Variants in NUP93 observed in about 807,000 individuals in gnomAD.
The protein encoded by NUP93 is nucleoporin 93.
A neutral mutation model predicts 107.8 loss-of-function variants in NUP93; 55 were observed. That is an observed-to-expected ratio of 0.51 (90% confidence interval 0.41 to 0.64). The LOEUF (loss-of-function observed/expected upper bound fraction) is 0.64. Ranked by LOEUF, NUP93 falls within the 30% of genes least tolerant of loss-of-function variation. The pLI, the probability that NUP93 is intolerant of heterozygous loss-of-function variation, is 0.00. For missense variants in NUP93, 937 were observed against 1,044.7 expected (o/e 0.90, Z 1.42); for synonymous variants, 390 against 397.5 (o/e 0.98, Z 0.22).
chr16:56,807,689 T>C (rs1396948639), intron 5 of NUP93, among the ~76,000 whole-genome samples: 1 of 152,194 alleles, frequency 6.6e-6, no homozygotes, highest in Non-Finnish European at 1.5e-5. Flanking sequence ...AGTGCTAAGT[T>C]GAAATTTTTT....
intron 5 of NUP93, among the ~76,000 whole-genome samples, chr16:56,808,866 G>A (rs1326266718): frequency 6.7e-6 from 1 of 148,312 alleles, no homozygotes; most frequent in Non-Finnish European, 1.5e-5. Context: ...ATGCAGTGTG[G>A]TTGTATCATT....
rs1962620783 is a variant in NUP93, at chr16:56,786,053, T to C, written c.298-12423T>C. On this transcript the variant is annotated intron_variant, in intron 3 of 21. Transcript: ENST00000308159. ...CATTCCTACGAAACTATGTTATTTG[T>C]CTCTGGTTTTCATTCTAGCTCTTTG... is the stretch of plus-strand genomic sequence containing the variant. Among the ~76,000 whole-genome samples the C allele has an allele frequency of 2.0e-5, 3 of 152,190 alleles. No homozygotes were observed. The South Asian group carries it at 6.2e-4, about 32-fold the overall frequency.
intron 1 of NUP93, among the ~76,000 whole-genome samples, chr16:56,742,588 G>A (rs749018242): frequency 6.6e-5 from 10 of 152,196 alleles, no homozygotes; most frequent in Non-Finnish European, 1.2e-4. Flanking sequence ...TACAAAGCCC[G>A]AACTATTCAC....
chr16:56,837,195 T>C (rs1183800601), intron 17 of NUP93, among the ~76,000 whole-genome samples: 2 of 152,182 alleles, frequency 1.3e-5, no homozygotes, highest in African/African-American at 4.8e-5. Flanking sequence ...TAAGAACATA[T>C]GATAACTGCT....
Position 56,828,419 on chromosome 16 carries a change from C to CAGG in NUP93, c.795-555_795-553dup, listed in dbSNP as rs1206702812. 2.0e-5 allele frequency among the ~76,000 whole-genome samples: 3 copies of CAGG among 151,948 alleles called. No homozygotes were observed. In the East Asian group the frequency reaches 5.8e-4, roughly 29 times the overall value. ...GTATCATAATGATACTGAGGTTAGG[C>CAGG]AGGAGAAGGTCCTAGTTCTTCAGAG... On this transcript the variant is annotated intron_variant, in intron 8 of 21. Coordinates refer to ENST00000308159, the MANE Select transcript of NUP93 (RefSeq NM_014669.5).
At chr16:56,801,839 G>A (rs1963027148) in intron 4 of NUP93, among the ~76,000 whole-genome samples, 1 of 152,150 alleles carries the variant, frequency 6.6e-6, no homozygotes, top group Non-Finnish European at 1.5e-5. Flanking sequence ...AAAGTGCTAA[G>A]CAGGAGTTCT....
rs567900894 is a variant in NUP93 at position 56,807,733 on chromosome 16, G to A, written c.489+2101G>A. On this transcript the variant is annotated intron_variant, in intron 5 of 21. Transcript: ENST00000308159. ...TTTAAAATTTAATTTTAAAATATAG[G>A]CAGTGTGGCCCGGGCGCGGTGGTTC... Among the ~76,000 whole-genome samples, 130 of 151,976 alleles carry A rather than the reference G, an allele frequency of 8.6e-4. 1 individual carries two copies. The highest frequency in any genetic ancestry group is 2.1e-3 in the South Asian group (10 of 4,806).
intron 5 of NUP93, among the ~76,000 whole-genome samples, chr16:56,815,738 A>G (rs1022730839): frequency 4.6e-5 from 7 of 152,078 alleles, no homozygotes; most frequent in African/African-American, 9.7e-5. Context: ...CTTCATCCCA[A>G]TCCTATGTGG....
intron 5 of NUP93, among the ~76,000 whole-genome samples, chr16:56,808,416 T>C (rs184088348): frequency 1.2e-4 from 3 of 25,520 alleles, no homozygotes; most frequent in Non-Finnish European, 1.7e-4. Context: ...TATATAGTTA[T>C]GTAACTATAT....
At chr16:56,753,811 AAC>A (rs1160054500) in intron 2 of NUP93, among the ~76,000 whole-genome samples, 3 of 152,208 alleles carry the variant, frequency 2.0e-5, no homozygotes, top group Non-Finnish European at 4.4e-5. Context: ...CATTTAAACA[AAC>A]ACAACTTTAA....
intron 5 of NUP93, among the ~76,000 whole-genome samples, chr16:56,817,223 T>C (rs1229677920): frequency 1.3e-5 from 2 of 152,170 alleles, no homozygotes; most frequent in Non-Finnish European, 2.9e-5. Context: ...GGTGCTTTGC[T>C]TCAGAAGCCA....
intron 3 of NUP93, among the ~76,000 whole-genome samples, chr16:56,764,716 G>C (rs1183806327): frequency 6.6e-6 from 1 of 152,086 alleles, no homozygotes. Flanking sequence ...TTGGAAAGAG[G>C]GTCAGATTTG....
At chr16:56,804,738 G>T (rs1028979334) in intron 4 of NUP93, among the ~76,000 whole-genome samples, 1 of 151,856 alleles carries the variant, frequency 6.6e-6, no homozygotes, top group African/African-American at 2.4e-5. Context: ...GTGAAACCCC[G>T]TCTCTAGTAA....
chr16:56,779,614 C>T (rs1285026904), intron 3 of NUP93, among the ~76,000 whole-genome samples: 1 of 152,166 alleles, frequency 6.6e-6, no homozygotes, highest in Non-Finnish European at 1.5e-5. Flanking sequence ...ATAGTTAACA[C>T]TTCTGCTCAG....
intron 5 of NUP93, among the ~76,000 whole-genome samples, chr16:56,809,144 A>G (rs997078518): frequency 6.6e-6 from 1 of 152,148 alleles, no homozygotes; most frequent in Admixed American, 6.5e-5. Context: ...GCAGCAAAAA[A>G]GATTGTCTCC....
At chr16:56,805,467 T>C in intron 4 of NUP93, 37 bp from the exon 5 acceptor site, 2 of 1,606,850 alleles carry the variant, frequency 1.2e-6, no homozygotes, top group Non-Finnish European at 1.7e-6. Context: ...TTTTGTTTTT[T>C]TCCTGAGGGT....
intron 17 of NUP93, among the ~76,000 whole-genome samples, chr16:56,837,168 G>A (rs977676903): frequency 9.2e-5 from 14 of 152,174 alleles, no homozygotes; most frequent in African/African-American, 2.2e-4. Flanking sequence ...TGTTTCTACC[G>A]AAGAACAAAT....
intron 3 of NUP93, chr16:56,781,940 A>G: frequency 2.0e-6 from 2 of 985,356 alleles, no homozygotes; most frequent in Non-Finnish European, 2.4e-6. Context: ...CCCTTTTTAA[A>G]GGGACCCTGC....
chr16:56,781,157 A>G (rs1962507153), intron 3 of NUP93, among the ~76,000 whole-genome samples: 1 of 152,196 alleles, frequency 6.6e-6, no homozygotes, highest in South Asian at 2.1e-4. Context: ...ATTTTCCCCT[A>G]AATGTTGTGC....
Sources: gnomAD v4.1 joint callset for allele counts (sites outside exome capture counted in the v4.1 genomes callset) on GRCh38, gnomAD v4.1.1 for gene constraint, MANE v1.5 for transcripts, NCBI Gene and HGNC (gene_info 2026-07-23, HGNC 2026-07-21) for gene names.